Variants in PTPN9 observed in about 807,000 individuals in gnomAD.
PTPN9 encodes the protein protein tyrosine phosphatase non-receptor type 9, also known as tyrosine-protein phosphatase non-receptor type 9.
Under a neutral mutation model 69.8 loss-of-function variants are expected in PTPN9, and 26 were observed. The ratio of observed to expected loss-of-function variants is 0.37; its 90% CI spans 0.27 to 0.52. The LOEUF is 0.52. Ranked by LOEUF, PTPN9 falls within the 20% of genes least tolerant of loss-of-function variation. PTPN9 has a pLI of 0.91. For missense variants in PTPN9, 549 were observed against 740.3 expected, an observed-to-expected ratio of 0.74 and a Z score of 3.00; for synonymous variants, 274 against 272.5, an observed-to-expected ratio of 1.01 and a Z score of -0.05.
At chr15:75,506,543 T>C (rs1168364585) in intron 6 of PTPN9, among the ~76,000 whole-genome samples, 2 of 152,012 alleles carry the variant, frequency 1.3e-5, no homozygotes, top group African/African-American at 4.8e-5. Flanking sequence ...AGGGTCTCAC[T>C]TTTTCACCCA....
At chr15:75,563,700 A>G (rs1373338917) in intron 1 of PTPN9, among the ~76,000 whole-genome samples, 1 of 152,156 alleles carries the variant, frequency 6.6e-6, no homozygotes, top group African/African-American at 2.4e-5. Context: ...AAAATATACT[A>G]AGAATTCAGA....
intron 1 of PTPN9, among the ~76,000 whole-genome samples, chr15:75,530,707 AT>A (rs57678570): frequency 3.2e-4 from 10 of 31,388 alleles, no homozygotes; most frequent in Middle Eastern, 0.029. Context: ...TATAATATAT[AT>A]TATTATATAA....
At chr15:75,569,818 CT>C (rs2075141481) in intron 1 of PTPN9, among the ~76,000 whole-genome samples, 1 of 151,882 alleles carries the variant, frequency 6.6e-6, no homozygotes, top group Admixed American at 6.6e-5. Context: ...GTCCAAGACC[CT>C]TGTGCTCAGA....
At chr15:75,485,650 G>A (rs1189639736) in intron 8 of PTPN9, among the ~76,000 whole-genome samples, 2 of 150,952 alleles carry the variant, frequency 1.3e-5, no homozygotes, top group East Asian at 4.0e-4. Context: ...GATTACAGGC[G>A]TGAGCCACCG....
chr15:75,469,704 C>T, intron 12 of PTPN9, 88 bp downstream of exon 12: 1 of 1,416,480 alleles, frequency 7.1e-7, no homozygotes, highest in Non-Finnish European at 9.9e-7. Flanking sequence ...GTTCCTTCTC[C>T]AATCACAGAT....
intron 1 of PTPN9, among the ~76,000 whole-genome samples, chr15:75,561,546 G>C (rs1221090842): frequency 1.3e-5 from 2 of 152,000 alleles, no homozygotes; most frequent in African/African-American, 4.8e-5. Context: ...TGTGGTACTT[G>C]AGAGATTAAA....
chr15:75,545,574 A>G (rs988143783), intron 1 of PTPN9, among the ~76,000 whole-genome samples: 4 of 152,258 alleles, frequency 2.6e-5, no homozygotes, highest in Admixed American at 2.6e-4. Context: ...TCTGGAAATT[A>G]GATATCTTAA....
At chr15:75,474,246 G>A (rs776436366) in intron 9 of PTPN9, among the ~76,000 whole-genome samples, 8 of 152,178 alleles carry the variant, frequency 5.3e-5, no homozygotes, top group Non-Finnish European at 8.8e-5. Flanking sequence ...TTGGCCGGGT[G>A]CAGTGGCTCA....
intron 9 of PTPN9, among the ~76,000 whole-genome samples, chr15:75,478,743 T>C (rs2074611172): frequency 6.6e-6 from 1 of 152,254 alleles, no homozygotes; most frequent in South Asian, 2.1e-4. Context: ...GCAGGTGATA[T>C]TCATTTCTCA....
Position 75,517,354 on chromosome 15 carries a change from G to C in PTPN9, c.433C>G (p.Gln145Glu), listed in dbSNP as rs1342752736. The C allele has an allele frequency of 6.2e-7, 1 of 1,612,060 alleles. No individual in the cohort carries two copies. The highest frequency in any genetic ancestry group is 2.2e-5 in the East Asian group (1 of 44,848). The change falls in exon 5 of 13, where the codon CAG becomes GAG. Residue 145 changes from glutamine (Q) to glutamate (E), a missense_variant. This residue lies in a region of PTPN9 where 457 missense variants were observed against 661.9 expected (regional missense o/e 0.69). Coordinates refer to ENST00000618819, the MANE Select transcript of PTPN9 (RefSeq NM_002833.4). ...LDRAVDSFET[Q>E]RNGLVFIYDM... Reference sequence around the variant, plus strand: ...TAGATAAACACCAGTCCATTCCTCTGAGTTTCAAAGCTGTAAATCAACCAT... The same window carrying C: ...TAGATAAACACCAGTCCATTCCTCTCAGTTTCAAAGCTGTAAATCAACCAT...
intron 5 of PTPN9, among the ~76,000 whole-genome samples, chr15:75,516,827 C>T (rs1369155272): frequency 6.6e-6 from 1 of 150,462 alleles, no homozygotes; most frequent in African/African-American, 2.5e-5. Context: ...TCACTGCAAC[C>T]TCTGCCTCCC....
chr15:75,561,567 A>G (rs912196322), intron 1 of PTPN9, among the ~76,000 whole-genome samples: 24 of 152,248 alleles, frequency 1.6e-4, no homozygotes, highest in African/African-American at 3.9e-4. Flanking sequence ...CTGTATATAT[A>G]TAAGACTGTG....
rs2074547036 is a variant in PTPN9, at chr15:75,468,493, G to T, written c.*276C>A. 3.3e-6 allele frequency: 1 copy of T among 306,590 alleles called. No homozygotes were observed. The highest frequency in any genetic ancestry group is 6.1e-6 in the Non-Finnish European group (1 of 163,632). 19.0% of individuals were successfully genotyped at this position (306,590 alleles called of 1,614,324 possible). A position where few individuals can be genotyped will look rare whatever the true frequency, so the allele number is the denominator to read the frequency against. On this transcript the variant is annotated 3_prime_UTR_variant, in exon 13 of 13. Coordinates refer to ENST00000618819, the MANE Select transcript of PTPN9 (RefSeq NM_002833.4). ...TTCCCCACTTACCTCGGGGACCCTA[G>T]CAAAAATCAATAGCCACAATTTGGT...
chr15:75,503,904 T>TGGG (rs1555454602), intron 7 of PTPN9, among the ~76,000 whole-genome samples: 4 of 71,282 alleles, frequency 5.6e-5, no homozygotes, highest in African/African-American at 2.3e-4. Flanking sequence ...GGGAGGGAGG[T>TGGG]GGGGTCAGCC....
chr15:75,561,998 G>A (rs1595971179), intron 1 of PTPN9, among the ~76,000 whole-genome samples: 3 of 151,884 alleles, frequency 2.0e-5, no homozygotes, highest in African/African-American at 7.3e-5. Flanking sequence ...GTGAGCCACC[G>A]CACCCAGCTA....
At chr15:75,470,122 T>C (rs2074556276) in intron 11 of PTPN9, 123 bp from the exon 12 acceptor site, 2 of 894,968 alleles carry the variant, frequency 2.2e-6, no homozygotes, top group Non-Finnish European at 3.5e-6. Context: ...TCCACCACTG[T>C]CAACTTTTCC....
rs2074526550 is a variant in PTPN9, at chr15:75,463,927, C to G, written c.*4842G>C. 1 of 152,204 alleles carries G rather than the reference C, an allele frequency of 6.6e-6. No individual in the cohort carries two copies. The highest frequency in any genetic ancestry group is 6.5e-5 in the Admixed American group (1 of 15,280). The allele number at this position is 152,204 out of a possible 1,614,324, so 9.4% of individuals were successfully genotyped here. On this transcript the variant is annotated 3_prime_UTR_variant, in exon 13 of 13. Transcript: ENST00000618819. ...CCAAGGCCAGAGAGAAATCTAAGGA[C>G]TAGGTTGGGAGCTATAGGACCCTTG...
chr15:75,503,437 C>T (rs1476506000), intron 7 of PTPN9, among the ~76,000 whole-genome samples: 26 of 141,656 alleles, frequency 1.8e-4, no homozygotes, highest in African/African-American at 6.1e-4. Flanking sequence ...CCCCTCCGCC[C>T]GGCAGCCGCC....
At chr15:75,523,379 T>C (rs2074913515) in intron 3 of PTPN9, 134 bp from the exon 4 acceptor site, 12 of 1,006,642 alleles carry the variant, frequency 1.2e-5, no homozygotes, top group African/African-American at 1.6e-5. Context: ...ACTTCACCAA[T>C]TGCTGTCCAA....
Sources: allele counts gnomAD v4.1 joint callset (sites outside exome capture counted in the v4.1 genomes callset), GRCh38; gene constraint gnomAD v4.1.1; regional missense constraint gnomAD v4.1.1; transcripts MANE v1.5; gene names NCBI Gene and HGNC (gene_info 2026-07-23, HGNC 2026-07-21).